PLS1: variants seen among roughly 807,000 people sequenced by gnomAD.
PLS1 encodes the protein plastin 1.
Under a neutral mutation model 73.7 loss-of-function variants are expected in PLS1, and 32 were observed. That is an observed-to-expected ratio of 0.43 (90% confidence interval 0.33 to 0.58). PLS1 has a LOEUF of 0.58. Among genes scored for constraint, PLS1 ranks in the 20% least tolerant of loss-of-function variants. The pLI is 0.04. For synonymous variants in PLS1, 217 were observed against 261.3 expected (o/e 0.83, Z 1.63); for missense variants, 633 against 740.5 (o/e 0.85, Z 1.68).
At chr3:142,613,621 G>C (rs546609798) in intron 1 of PLS1, among the ~76,000 whole-genome samples, 2 of 152,212 alleles carry the variant, frequency 1.3e-5, no homozygotes, top group Non-Finnish European at 2.9e-5. Flanking sequence ...ATCTAATCTT[G>C]TGGGCAAAGA....
chr3:142,641,150 C>A (rs1465510914), intron 1 of PLS1, among the ~76,000 whole-genome samples: 1 of 141,016 alleles, frequency 7.1e-6, no homozygotes, highest in Non-Finnish European at 1.5e-5. Flanking sequence ...GACAGAGACC[C>A]AGAGTGATTA....
chr3:142,623,904 G>A lies in PLS1; in HGVS notation c.-37+27395G>A, dbSNP rs186643192. On this transcript the variant is annotated intron_variant, in intron 1 of 15. Transcript: ENST00000457734. The stretch of plus-strand genomic sequence containing the variant: ...GGCTTTGATTTTCCTTTCAGAAATG[G>A]ATATAAATTATTAGGAAAATGCTGA... Among the ~76,000 whole-genome samples the A allele has an allele frequency of 7.2e-5, 11 of 152,190 alleles. No homozygotes were observed. The East Asian group carries it at 2.1e-3, about 29-fold the overall frequency.
chr3:142,713,282 T>G lies in PLS1; in HGVS notation c.*1275T>G, dbSNP rs1933217196. The stretch of plus-strand genomic sequence containing the variant: ...CACTGTTAGTGCCAGTGAGCAATAC[T>G]GTTGTGCAACAAAAATGTCACTTTA... On this transcript the variant is annotated 3_prime_UTR_variant, in exon 16 of 16. Coordinates refer to ENST00000457734, the MANE Select transcript of PLS1 (RefSeq NM_001145319.2). The G allele has an allele frequency of 6.6e-6, 1 of 152,642 alleles. No homozygotes were observed. The highest frequency in any genetic ancestry group is 1.5e-5 in the Non-Finnish European group (1 of 68,014). The allele number at this position is 152,642 out of a possible 1,614,324, so 9.5% of individuals were successfully genotyped here.
At chr3:142,625,450 C>T (rs1041782911) in intron 1 of PLS1, among the ~76,000 whole-genome samples, 29 of 152,040 alleles carry the variant, frequency 1.9e-4, no homozygotes, top group African/African-American at 5.3e-4. Flanking sequence ...TGTCAGAAGC[C>T]GCTAAATTCT....
intron 2 of PLS1, among the ~76,000 whole-genome samples, chr3:142,668,638 G>C (rs997530835): frequency 2.7e-5 from 4 of 146,288 alleles, no homozygotes; most frequent in African/African-American, 1.0e-4. Context: ...GTCTCGCTTT[G>C]TTGCCCAGGG....
intron 1 of PLS1, among the ~76,000 whole-genome samples, chr3:142,602,038 C>A (rs928420573): frequency 4.6e-5 from 7 of 151,676 alleles, no homozygotes; most frequent in Admixed American, 3.9e-4. Flanking sequence ...CAGGTTTCAG[C>A]TGGTGGAACC....
Position 142,637,861 on chromosome 3 carries a change from CCT to C in PLS1, c.-36-26330_-36-26329del, listed in dbSNP as rs200550987. 1.2e-4 allele frequency among the ~76,000 whole-genome samples: 18 copies of C among 151,832 alleles called. No homozygotes were observed. The East Asian group carries it at 2.1e-3, about 18-fold the overall frequency. ...AACAACATGCCAGGCCCCCCCGCCC[CCT>C]CTCTCTCTCTATATATATATGAGAT... On this transcript the variant is annotated intron_variant, in intron 1 of 15. Transcript: ENST00000457734.
At chr3:142,663,688 G>C (rs186171395) in intron 1 of PLS1, among the ~76,000 whole-genome samples, 1 of 152,236 alleles carries the variant, frequency 6.6e-6, no homozygotes, top group African/African-American at 2.4e-5. Context: ...CAGACCCTCA[G>C]AGACTTCACA....
chr3:142,605,335 A>G (rs532489111), intron 1 of PLS1, among the ~76,000 whole-genome samples: 2 of 152,352 alleles, frequency 1.3e-5, no homozygotes, highest in East Asian at 1.9e-4. Context: ...AATTAAACTC[A>G]TAACTGTGTC....
rs148619272 is a variant in PLS1, at chr3:142,673,055, G to A, written c.364+1933G>A. Among the ~76,000 whole-genome samples the A allele has an allele frequency of 7.2e-4, 110 of 152,248 alleles. 1 individual carries two copies. Among genetic ancestry groups the A allele is most frequent in the Middle Eastern group, 6.8e-3 (2 of 294 alleles). On this transcript the variant is annotated intron_variant, in intron 4 of 15. Transcript: ENST00000457734. ...TCATTTGACAGGCTTCTTCACTGGTGTAATATTTTCAAGGCTTATCCATGT... is the reference window on the plus strand; with the variant it reads ...TCATTTGACAGGCTTCTTCACTGGTATAATATTTTCAAGGCTTATCCATGT...
At chr3:142,636,438 A>T (rs2036693480) in intron 1 of PLS1, among the ~76,000 whole-genome samples, 1 of 152,234 alleles carries the variant, frequency 6.6e-6, no homozygotes, top group African/African-American at 2.4e-5. Flanking sequence ...AACAAACCCA[A>T]AATAGATTGT....
At chr3:142,623,241 A>G (rs1221610764) in intron 1 of PLS1, 1 of 152,230 alleles carries the variant, frequency 6.6e-6, no homozygotes, top group Non-Finnish European at 1.5e-5. Context: ...TCTAAGGGGT[A>G]AGGTGAATAC....
At chr3:142,637,483 C>A (rs1482066006) in intron 1 of PLS1, among the ~76,000 whole-genome samples, 1 of 152,062 alleles carries the variant, frequency 6.6e-6, no homozygotes. Context: ...TCTAATATGT[C>A]AAAACTTCAC....
At chr3:142,688,144 C>T (rs771223720) in intron 9 of PLS1, among the ~76,000 whole-genome samples, 56 of 152,140 alleles carry the variant, frequency 3.7e-4, no homozygotes, top group Non-Finnish European at 5.6e-4. Context: ...GACGGGGTTT[C>T]ACCATGTTGG....
chr3:142,694,256 G>C (rs1441443003), intron 10 of PLS1, among the ~76,000 whole-genome samples: 1 of 152,082 alleles, frequency 6.6e-6, no homozygotes, highest in African/African-American at 2.4e-5. Context: ...GAATCTAGAA[G>C]GAGAGATTTA....
chr3:142,619,125 T>G (rs1432892943), intron 1 of PLS1, among the ~76,000 whole-genome samples: 1 of 152,200 alleles, frequency 6.6e-6, no homozygotes, highest in African/African-American at 2.4e-5. Context: ...AGGGCCAGAT[T>G]ACAAAACAAA....
intron 1 of PLS1, among the ~76,000 whole-genome samples, chr3:142,623,964 ATG>A (rs2036366632): frequency 1.3e-5 from 2 of 152,122 alleles, no homozygotes; most frequent in South Asian, 4.1e-4. Flanking sequence ...GCCATCTAGA[ATG>A]TGTGTGTATT....
rs1190955364 is a variant in PLS1 at position 142,712,723 on chromosome 3, G to A, written c.*716G>A. The A allele has an allele frequency of 6.6e-6, 1 of 152,440 alleles. No homozygotes were observed. The highest frequency in any genetic ancestry group is 1.5e-5 in the Non-Finnish European group (1 of 67,948). The allele number at this position is 152,440 out of a possible 1,614,324, so 9.4% of individuals were successfully genotyped here. ...TGGTAGGATGTTATTAGAGAGATAT[G>A]TGTGCATATATATTTTTTTGCACCT... On this transcript the variant is annotated 3_prime_UTR_variant, in exon 16 of 16. Transcript: ENST00000457734.
intron 1 of PLS1, among the ~76,000 whole-genome samples, chr3:142,609,201 A>C (rs1057304040): frequency 4.0e-4 from 61 of 152,300 alleles, no homozygotes; most frequent in African/African-American, 1.5e-3. Flanking sequence ...AAAATATCAG[A>C]CTTTATGTAT....
Sources: allele counts gnomAD v4.1 joint callset (sites outside exome capture counted in the v4.1 genomes callset), GRCh38; gene constraint gnomAD v4.1.1; transcripts MANE v1.5; gene names NCBI Gene and HGNC (gene_info 2026-07-23, HGNC 2026-07-21).